Variants in DNHD1 observed in about 807,000 individuals in gnomAD.
DNHD1 encodes dynein heavy chain domain 1, also known as dynein heavy chain domain-containing protein 1.
In DNHD1, 383 loss-of-function variants were observed where a neutral mutation model predicts 458.1. That is an observed-to-expected ratio of 0.84 (90% CI 0.77 to 0.91). The LOEUF (loss-of-function observed/expected upper bound fraction) is 0.91. Ranked by LOEUF, DNHD1 falls within the 40% of genes least tolerant of loss-of-function variation. The probability of loss-of-function intolerance (pLI) is 0.00; values close to 1 mark genes in which losing one functional copy is unlikely to be tolerated. For missense variants in DNHD1, 5,336 were observed against 5,866.1 expected, an observed-to-expected ratio of 0.91 and a Z score of 2.95; for synonymous variants, 2,203 against 2,376.9, an observed-to-expected ratio of 0.93 and a Z score of 2.13.
intron 4 of DNHD1, among the ~76,000 whole-genome samples, chr11:6,506,568 T>A (rs1564994874): frequency 2.0e-5 from 3 of 152,238 alleles, no homozygotes; most frequent in Non-Finnish European, 2.9e-5. Context: ...CAGATTTTTT[T>A]AATGTGTTTG....
chr11:6,510,765 G>T (rs4758422), intron 6 of DNHD1, among the ~76,000 whole-genome samples: 54,154 of 152,038 alleles, frequency 0.36, 9,931 homozygotes, highest in African/African-American at 0.4. Context: ...ATTATTAGGA[G>T]TCTTTATCCT....
rs1360802170 is a variant in DNHD1, at chr11:6,567,880, G to C, written c.12351+20G>C. The C allele has an allele frequency of 6.3e-7, 1 of 1,591,986 alleles. No homozygotes were observed. On this transcript the variant is annotated intron_variant, in intron 36 of 42. Transcript: ENST00000254579. ...CAGCAGGTTTGAACCTAGTTTCTTG[G>C]CCACAGAGTGACCAGGCTCCTGTGG... is the stretch of plus-strand genomic sequence containing the variant.
rs140016221 is a variant in DNHD1, at chr11:6,537,257, A to G, written c.2999-1126A>G. Among the ~76,000 whole-genome samples the G allele has an allele frequency of 5.3e-5, 8 of 152,304 alleles. No homozygotes were observed. The East Asian group carries it at 1.5e-3, about 29-fold the overall frequency. ...CTGTGAGATGAAGGGGTGGAGGATA[A>G]TGGCCGGAGGTAAACATGACAGGTC... On this transcript the variant is annotated intron_variant, in intron 14 of 42. Coordinates refer to ENST00000254579, the MANE Select transcript of DNHD1 (RefSeq NM_144666.3).
chr11:6,548,649 AACGGCTCTTGTATGTGG>A lies in DNHD1; in HGVS notation c.7104_7120del (p.Glu2368AspfsTer74). The A allele has an allele frequency of 6.4e-7, 1 of 1,551,456 alleles. No individual in the cohort carries two copies. ...AGTCCCACTTCTGTCTTGCAGACTG[AACGGCTCTTGTATGTGG>A]TGGACCTGCTTCTGTCAGGGGGACA... On this transcript the variant is annotated frameshift_variant, in exon 24 of 43. Transcript: ENST00000254579. LOFTEE classifies it high-confidence loss of function. This position sits in a 1 kb window ranked among gnomAD's most constrained non-coding sequence, Gnocchi z 4.4.
In DNHD1 at chr11:6,564,547, C is replaced by T. The variant is rs1268230292; in HGVS notation, c.10499C>T (p.Pro3500Leu). ...TCTGTCAGCATACCACCAAAGAACC[C>T]CCTGCTGGCTACACACTCTCCCTTC... Reference protein sequence around the residue: ...QKSVSIPPKNPLLATHSPFSI... With the variant: ...QKSVSIPPKNLLLATHSPFSI... The change falls in exon 32 of 43, where the codon CCC (proline) becomes CTC (leucine). Residue 3500 changes from proline to leucine, a missense_variant. Physicochemically the swap from Pro to Leu is moderately conservative, Grantham distance 98. This residue lies in a region of DNHD1 where 3,932 missense variants were observed against 4,365.6 expected (regional missense o/e 0.90). Transcript: ENST00000254579. 1.3e-6 allele frequency: 2 copies of T among 1,551,678 alleles called. No homozygotes were observed. Among genetic ancestry groups the T allele is most frequent in the South Asian group, 2.4e-5 (2 of 84,064 alleles).
In DNHD1 at chr11:6,571,206, A is replaced by T. The variant is rs1176261622; in HGVS notation, c.13694A>T (p.Tyr4565Phe). ...CGCCGTGGGCAACTGTTGGTTCGTTACTTGGGCGTGGGCGCGGACGCGAGC... is the reference window on the plus strand; with the variant it reads ...CGCCGTGGGCAACTGTTGGTTCGTTTCTTGGGCGTGGGCGCGGACGCGAGC... ...LSRRGQLLVRYLGVGADASSD... is the reference protein window; with the variant it reads ...LSRRGQLLVRFLGVGADASSD... Residue 4565 changes from tyrosine to phenylalanine, a missense_variant, in exon 42 of 43, where the codon TAC becomes TTC. Coordinates refer to ENST00000254579, the MANE Select transcript of DNHD1 (RefSeq NM_144666.3). The surrounding 1 kb of genome is among the most constrained non-coding windows in gnomAD (Gnocchi z 5.0). 1.1e-5 allele frequency: 17 copies of T among 1,607,184 alleles called. No individual in the cohort carries two copies. Among genetic ancestry groups the T allele is most frequent in the Non-Finnish European group, 1.4e-5 (17 of 1,176,076 alleles).
intron 3 of DNHD1, among the ~76,000 whole-genome samples, chr11:6,502,164 G>A (rs1852150452): frequency 6.6e-6 from 1 of 152,204 alleles, no homozygotes; most frequent in South Asian, 2.1e-4. Flanking sequence ...AGAAGAGTAA[G>A]AGGATGAGTG....
chr11:6,545,144 G>T lies in DNHD1; in HGVS notation c.4205G>T (p.Gly1402Val). The T allele has an allele frequency of 6.4e-7, 1 of 1,552,168 alleles. No individual in the cohort carries two copies. Among genetic ancestry groups the T allele is most frequent in the Non-Finnish European group, 8.7e-7 (1 of 1,147,104 alleles). ...GTGAGCTTCAGGTCTTGCCCAACTGGTGAGAAAAACACAGATGACTGGGAG... is the reference window on the plus strand; with the variant it reads ...GTGAGCTTCAGGTCTTGCCCAACTGTTGAGAAAAACACAGATGACTGGGAG... ...HAVSFRSCPT[G>V]EKNTDDWESS... The change falls in exon 21 of 43, where the codon GGT becomes GTT. Residue 1402 changes from glycine to valine, a missense_variant. Gly to Val is a moderately radical substitution (Grantham distance 109). This residue lies in a region of DNHD1 where 3,932 missense variants were observed against 4,365.6 expected (regional missense o/e 0.90). Transcript: ENST00000254579. This position sits in a 1 kb window ranked among gnomAD's most constrained non-coding sequence, Gnocchi z 4.9.
In DNHD1 at chr11:6,551,855, T is replaced by C. The variant is rs191853894; in HGVS notation, c.7387+2922T>C. Among the ~76,000 whole-genome samples, 180 of 133,718 alleles carry C rather than the reference T, an allele frequency of 1.3e-3. 6 individuals are homozygous for C. The highest frequency in any genetic ancestry group is 8.1e-3 in the Middle Eastern group (2 of 248). 87.7% of individuals were successfully genotyped at this position (133,718 alleles called of 152,430 possible). On this transcript the variant is annotated intron_variant, in intron 24 of 42. Coordinates refer to ENST00000254579, the MANE Select transcript of DNHD1 (RefSeq NM_144666.3). The stretch of plus-strand genomic sequence containing the variant: ...ACTCGGGAGGCTGAGGCAGGAGAAT[T>C]GCTTGAACCAGGGAGGTGGAAGTTG...
At chr11:6,549,047 T>A in intron 24 of DNHD1, 114 bp downstream of exon 24, 1 of 1,193,508 alleles carries the variant, frequency 8.4e-7, no homozygotes, top group Non-Finnish European at 1.2e-6. Flanking sequence ...ACTTTAGTGT[T>A]CTGTTCTTAA....
At chr11:6,552,657 C>T (rs767326476) in intron 24 of DNHD1, among the ~76,000 whole-genome samples, 18 of 146,284 alleles carry the variant, frequency 1.2e-4, no homozygotes, top group Non-Finnish European at 2.2e-4. Flanking sequence ...TTGGCGGGGG[C>T]GGGGTGGGGT....
chr11:6,537,847 C>G (rs562214952), intron 14 of DNHD1, among the ~76,000 whole-genome samples: 1 of 152,144 alleles, frequency 6.6e-6, no homozygotes, highest in African/African-American at 2.4e-5. Flanking sequence ...AGGAGAATCA[C>G]TTGAACCCGG....
chr11:6,502,963 G>C (rs1852167692), intron 4 of DNHD1, 37 bp downstream of exon 4: 3 of 1,601,956 alleles, frequency 1.9e-6, no homozygotes, highest in Non-Finnish European at 2.6e-6. Context: ...TCCTCCCCCT[G>C]CCTGGTTTCC....
Position 6,498,809 on chromosome 11 carries a change from C to A in DNHD1, c.594C>A (p.Gly198=), listed in dbSNP as rs147268880. The part of the protein sequence containing the change: ...LTLPELQRCL[G]IVGAQVALEE... ...TGCCTGAGCTACAGCGCTGCCTGGG[C>A]ATTGTTGGTGCTCAGGTGGCCCTAG... The change falls in exon 3 of 43, where the codon GGC becomes GGA. Residue 198 remains glycine (G), a synonymous_variant. Transcript: ENST00000254579. The A allele has an allele frequency of 3.5e-5, 57 of 1,614,106 alleles. No homozygotes were observed. In the Admixed American group the frequency reaches 9.0e-4, roughly 25 times the overall value.
Position 6,548,701 on chromosome 11 carries a change from G to C in DNHD1, c.7155G>C (p.Leu2385Phe), listed in dbSNP as rs1182562170. ...DLLLSGGQPV[L>F]LAGEAATGKS... ...TTCTGTCAGGGGGACAGCCAGTGTT[G>C]CTGGCTGGAGAGGCAGCAACAGGGA... is the stretch of plus-strand genomic sequence containing the variant. Residue 2385 changes from leucine to phenylalanine, a missense_variant, in exon 24 of 43, where the codon TTG becomes TTC. By Grantham distance (22) the Leu-to-Phe change is conservative. Coordinates refer to ENST00000254579, the MANE Select transcript of DNHD1 (RefSeq NM_144666.3). This position sits in a 1 kb window ranked among gnomAD's most constrained non-coding sequence, Gnocchi z 4.4. 2 of 1,551,656 alleles carry C rather than the reference G, an allele frequency of 1.3e-6. No homozygotes were observed. The highest frequency in any genetic ancestry group is 1.4e-5 in the African/African-American group (1 of 73,146).
Position 6,564,552 on chromosome 11 carries a change from C to A in DNHD1, c.10504C>A (p.Leu3502Met). 1.9e-6 allele frequency: 3 copies of A among 1,551,752 alleles called. No individual in the cohort carries two copies. The highest frequency in any genetic ancestry group is 2.6e-6 in the Non-Finnish European group (3 of 1,147,002). Reference protein sequence around the residue: ...SVSIPPKNPLLATHSPFSILS... With the variant: ...SVSIPPKNPLMATHSPFSILS... ...CAGCATACCACCAAAGAACCCCCTG[C>A]TGGCTACACACTCTCCCTTCAGTAT... The change falls in exon 32 of 43, where the codon CTG (leucine) becomes ATG (methionine). Residue 3502 changes from leucine to methionine, a missense_variant. Leu to Met is a conservative substitution (Grantham distance 15). Coordinates refer to ENST00000254579, the MANE Select transcript of DNHD1 (RefSeq NM_144666.3).
At chr11:6,541,545 TA>T (rs1313988584) in intron 18 of DNHD1, among the ~76,000 whole-genome samples, 1 of 152,182 alleles carries the variant, frequency 6.6e-6, no homozygotes, top group Non-Finnish European at 1.5e-5. Flanking sequence ...GGAGCATGAA[TA>T]AAAGAGCTTC....
intron 3 of DNHD1, among the ~76,000 whole-genome samples, chr11:6,499,610 C>G (rs182313590): frequency 6.6e-6 from 1 of 152,126 alleles, no homozygotes; most frequent in East Asian, 1.9e-4. Flanking sequence ...CTCTGTCGCC[C>G]AGGCTGGAGT....
In DNHD1 at chr11:6,545,062, C is replaced by T. The variant is rs1190276079; in HGVS notation, c.4123C>T (p.Leu1375=). ...GCTGGTAGCCCTGCTGGCTGCTCGACTGGAATCATGCGAAGCCCAGCTATG... is the reference window on the plus strand; with the variant it reads ...GCTGGTAGCCCTGCTGGCTGCTCGATTGGAATCATGCGAAGCCCAGCTATG... ...SELVALLAAR[L]ESCEAQLWVR... Residue 1375 remains leucine, a synonymous_variant, in exon 21 of 43, where the codon CTG becomes TTG. Coordinates refer to ENST00000254579, the MANE Select transcript of DNHD1 (RefSeq NM_144666.3). This position sits in a 1 kb window ranked among gnomAD's most constrained non-coding sequence, Gnocchi z 4.9. The T allele has an allele frequency of 6.4e-7, 1 of 1,551,922 alleles. No individual in the cohort carries two copies. Among genetic ancestry groups the T allele is most frequent in the Admixed American group, 2.0e-5 (1 of 51,012 alleles).
Sources: gnomAD v4.1 joint callset for allele counts (sites outside exome capture counted in the v4.1 genomes callset) on GRCh38, gnomAD v4.1.1 for gene constraint, gnomAD v4.1.1 regional missense constraint, Gnocchi (gnomAD v3.1) non-coding constraint, MANE v1.5 for transcripts, NCBI Gene and HGNC (gene_info 2026-07-23, HGNC 2026-07-21) for gene names.